Variants in FBXO34 observed in about 807,000 individuals in gnomAD.
FBXO34 encodes the protein F-box only protein 34.
In FBXO34, 12 loss-of-function variants were observed where a neutral mutation model predicts 24.5. The observed-to-expected ratio is 0.49, with a 90% confidence interval of 0.31 to 0.79. The LOEUF (loss-of-function observed/expected upper bound fraction) is 0.79. FBXO34 is among the 30% of genes least tolerant of loss of function. The pLI is 0.04. For synonymous variants in FBXO34, 320 were observed against 311.9 expected (o/e 1.03, Z -0.27); for missense variants, 823 against 857.7 (o/e 0.96, Z 0.51).
At chr14:55,427,311 TAATC>T in the FBXO34 span, among the ~76,000 whole-genome samples, 64 of 151,982 alleles carry the variant, frequency 4.2e-4, 1 homozygote, top group African/African-American at 1.3e-3. Context: ...AAAGAAAACA[TAATC>T]AAGAGAAAAA....
intron 3 of FBXO34, among the ~76,000 whole-genome samples, chr14:55,359,633 GACA>G (rs1161233415): frequency 6.6e-6 from 1 of 152,200 alleles, no homozygotes; most frequent in Non-Finnish European, 1.5e-5. Flanking sequence ...GGCAATTTAA[GACA>G]ACAATGAAGT....
At chr14:55,299,481 G>C (rs892730000) in intron 1 of FBXO34, among the ~76,000 whole-genome samples, 3 of 116,962 alleles carry the variant, frequency 2.6e-5, no homozygotes, top group Non-Finnish European at 5.0e-5. Context: ...AAAATAAACT[G>C]TGTTTGCAAA....
chr14:55,350,240 T>C (rs1884302236), intron 1 of FBXO34, 141 bp from the exon 2 acceptor site: 6 of 536,732 alleles, frequency 1.1e-5, no homozygotes, highest in South Asian at 3.7e-5. Context: ...AAAACTATCA[T>C]GAGAGAGTTG....
the FBXO34 span, among the ~76,000 whole-genome samples, chr14:55,416,059 G>A: frequency 5.3e-4 from 80 of 152,282 alleles, 4 homozygotes; most frequent in East Asian, 0.011. Context: ...ACAGAATTCA[G>A]ATTGGTAGTT....
the FBXO34 span, among the ~76,000 whole-genome samples, chr14:55,424,733 G>A: frequency 7.2e-5 from 11 of 152,188 alleles, no homozygotes; most frequent in Non-Finnish European, 1.3e-4. Flanking sequence ...TTGAACAGGT[G>A]CTATATAAAT....
At chr14:55,276,670 G>A (rs531855419) in intron 1 of FBXO34, among the ~76,000 whole-genome samples, 8 of 152,130 alleles carry the variant, frequency 5.3e-5, no homozygotes, top group Non-Finnish European at 1.2e-4. Flanking sequence ...TTTTACAGAA[G>A]TTAAGTAGTC....
At chr14:55,311,249 G>T (rs68138420) in intron 1 of FBXO34, among the ~76,000 whole-genome samples, 46,010 of 151,998 alleles carry the variant, frequency 0.3, 7,270 homozygotes, top group Non-Finnish European at 0.34. Flanking sequence ...ATCAGATCTC[G>T]TGATAATTCA....
chr14:55,283,954 GTGTGTGTGTGTGTGTGTGTGTC>G (rs1253092852), intron 1 of FBXO34, among the ~76,000 whole-genome samples: 1 of 145,424 alleles, frequency 6.9e-6, no homozygotes, highest in Non-Finnish European at 1.5e-5. Flanking sequence ...ATGTGTGTGT[GTGTGTGTGTGTGTGTGTGTGTC>G]TGTGTGTGTG....
intron 1 of FBXO34, among the ~76,000 whole-genome samples, chr14:55,272,940 C>G (rs1018282460): frequency 1.8e-4 from 27 of 152,254 alleles, no homozygotes; most frequent in African/African-American, 6.5e-4. Flanking sequence ...TGTTTTTCTT[C>G]CAAAGCTTTC....
chr14:55,283,232 T>G (rs538828828), intron 1 of FBXO34, among the ~76,000 whole-genome samples: 1 of 152,296 alleles, frequency 6.6e-6, no homozygotes, highest in East Asian at 1.9e-4. Flanking sequence ...ACATTTTCTT[T>G]GCTGTATTTT....
chr14:55,420,064 T>G, the FBXO34 span, among the ~76,000 whole-genome samples: 1 of 151,990 alleles, frequency 6.6e-6, no homozygotes, highest in Admixed American at 6.6e-5. Context: ...GCCCTTAAGG[T>G]TTTTTTTGTT....
intron 1 of FBXO34, among the ~76,000 whole-genome samples, chr14:55,332,463 T>C (rs1238255117): frequency 1.3e-5 from 2 of 152,216 alleles, no homozygotes; most frequent in East Asian, 3.8e-4. Flanking sequence ...TCCCAGGTAA[T>C]GCAGATTAAC....
intron 1 of FBXO34, chr14:55,299,328 A>C: frequency 2.0e-6 from 1 of 508,590 alleles, no homozygotes. Context: ...TCTCACTCCA[A>C]AGCAGTAGGG....
At chr14:55,330,211 A>G (rs1453918124) in intron 1 of FBXO34, among the ~76,000 whole-genome samples, 1 of 152,192 alleles carries the variant, frequency 6.6e-6, no homozygotes, top group Non-Finnish European at 1.5e-5. Flanking sequence ...TTCTTTCCAC[A>G]TACTTTCCCT....
the FBXO34 span, chr14:55,440,574 C>T: frequency 2.2e-5 from 34 of 1,559,786 alleles, no homozygotes; most frequent in Non-Finnish European, 2.9e-5. Flanking sequence ...CGAGGCGGGG[C>T]GGCCCTCGGC....
intron 3 of FBXO34, among the ~76,000 whole-genome samples, chr14:55,361,356 T>A (rs940292377): frequency 6.6e-6 from 1 of 152,272 alleles, no homozygotes; most frequent in Non-Finnish European, 1.5e-5. Flanking sequence ...ATTGTGGGCT[T>A]AATCTGTAAA....
intron 1 of FBXO34, among the ~76,000 whole-genome samples, chr14:55,333,609 T>TA (rs1251886541): frequency 1.3e-5 from 2 of 152,200 alleles, no homozygotes; most frequent in African/African-American, 4.8e-5. Context: ...TTTTATAACA[T>TA]AAACCTTAAA....
At chr14:55,293,753 C>G (rs906142181) in intron 1 of FBXO34, among the ~76,000 whole-genome samples, 1 of 151,972 alleles carries the variant, frequency 6.6e-6, no homozygotes, top group Admixed American at 6.5e-5. Context: ...TTTTCTGTAT[C>G]CTTAGCACGG....
intron 1 of FBXO34, among the ~76,000 whole-genome samples, chr14:55,296,055 A>G (rs1882109849): frequency 6.6e-6 from 1 of 152,172 alleles, no homozygotes; most frequent in Admixed American, 6.5e-5. Context: ...TGTGAGGCTG[A>G]GGTTGGGAGG....
Sources: allele counts gnomAD v4.1 joint callset (sites outside exome capture counted in the v4.1 genomes callset), GRCh38; gene constraint gnomAD v4.1.1; transcripts MANE v1.5; gene names NCBI Gene and HGNC (gene_info 2026-07-23, HGNC 2026-07-21).